KDM1A: variants seen among roughly 807,000 people sequenced by gnomAD.
The protein encoded by KDM1A is lysine-specific histone demethylase 1A.
KDM1A carries 49 observed loss-of-function variants against 109.4 expected under a neutral mutation model. That is an observed-to-expected ratio of 0.45 (90% CI 0.36 to 0.57). KDM1A has a LOEUF of 0.57. Ranked by LOEUF, KDM1A falls within the 20% of genes least tolerant of loss-of-function variation. The probability of loss-of-function intolerance (pLI) is 0.00; values close to 1 mark genes in which losing one functional copy is unlikely to be tolerated. For synonymous variants in KDM1A, 380 were observed against 415.4 expected (o/e 0.91, Z 1.04); for missense variants, 668 against 1,116.6 (o/e 0.60, Z 5.73).
intron 3 of KDM1A, among the ~76,000 whole-genome samples, chr1:23,048,648 A>G (rs1029528270): frequency 6.6e-6 from 1 of 152,098 alleles, no homozygotes; most frequent in African/African-American, 2.4e-5. Flanking sequence ...TTGCTTGACC[A>G]CTTGTTAAAC....
At chr1:23,033,836 T>C (rs1484777867) in intron 2 of KDM1A, among the ~76,000 whole-genome samples, 1 of 152,028 alleles carries the variant, frequency 6.6e-6, no homozygotes, top group Non-Finnish European at 1.5e-5. Flanking sequence ...AGCCCTGAGG[T>C]TTTTTGAGCA....
In KDM1A at chr1:23,044,087, TA is replaced by T. The variant is rs1453851129; in HGVS notation, c.518-339del. 2.0e-5 allele frequency among the ~76,000 whole-genome samples: 3 copies of T among 152,326 alleles called. No homozygotes were observed. In the East Asian group the frequency reaches 5.8e-4, roughly 29 times the overall value. On this transcript the variant is annotated intron_variant, in intron 2 of 20. Coordinates refer to ENST00000400181, the MANE Select transcript of KDM1A (RefSeq NM_001009999.3). ...GTCTATGTCAGCTCCATTTTCAGTC[TA>T]GCAGCCGTTAGTAAAAGACACTCGG...
chr1:23,019,837 G>C lies in KDM1A; in HGVS notation c.241G>C (p.Ala81Pro). 1 of 1,453,592 alleles carries C rather than the reference G, an allele frequency of 6.9e-7. No homozygotes were observed. 90.0% of individuals were successfully genotyped at this position (1,453,592 alleles called of 1,614,324 possible). A position where few individuals can be genotyped will look rare whatever the true frequency, so the allele number is the denominator to read the frequency against. Reference sequence around the variant, plus strand: ...GGGCCTGGCGGAACCGCCGGGGTCCGCAGGGCCTCAGGCCGGCCCTACTGT... The same window carrying C: ...GGGCCTGGCGGAACCGCCGGGGTCCCCAGGGCCTCAGGCCGGCCCTACTGT... The part of the protein sequence containing the change: ...PGGLAEPPGS[A>P]GPQAGPTVVP... The change falls in exon 1 of 21, where the codon GCA becomes CCA. Residue 81 changes from alanine (A) to proline (P), a missense_variant. By Grantham distance (27) the Ala-to-Pro change is conservative. Around this residue, in one of 8 missense-constraint regions of KDM1A, gnomAD observed 156 missense variants for 163.4 expected, o/e 0.95. Coordinates refer to ENST00000400181, the MANE Select transcript of KDM1A (RefSeq NM_001009999.3).
At chr1:23,056,098 T>G (rs1263840539) in intron 7 of KDM1A, 60 bp downstream of exon 7, 2 of 1,124,370 alleles carry the variant, frequency 1.8e-6, no homozygotes, top group African/African-American at 3.1e-5. Context: ...AAGCAAATTA[T>G]CTGTTGCAAA....
At chr1:23,060,298 C>T (rs2124482498) in intron 9 of KDM1A, among the ~76,000 whole-genome samples, 1 of 152,240 alleles carries the variant, frequency 6.6e-6, no homozygotes, top group East Asian at 1.9e-4. Flanking sequence ...TTTTTCCCAA[C>T]TTTTTATTAT....
intron 9 of KDM1A, among the ~76,000 whole-genome samples, chr1:23,065,589 C>G (rs967076050): frequency 1.4e-4 from 21 of 152,308 alleles, no homozygotes; most frequent in African/African-American, 4.8e-4. Flanking sequence ...GGCCTGGTGG[C>G]TGACAATCTC....
intron 9 of KDM1A, 78 bp from the exon 10 acceptor site, chr1:23,065,982 T>C: frequency 1.3e-6 from 2 of 1,580,574 alleles, no homozygotes; most frequent in Non-Finnish European, 1.7e-6. Context: ...TTTATTGCTG[T>C]CATACAAAAC....
At position 23,083,066 on chromosome 1, in the gene KDM1A, T is replaced by TG. The variant is rs376351781; in HGVS notation, c.2446-106dup. On this transcript the variant is annotated intron_variant, in intron 20 of 20. Transcript: ENST00000400181. Reference sequence around the variant, plus strand: ...CTTCGATAGAATGATGAATAGTAATTGGGGGGGTCAGCCTTTAAAAAGGTC... The same window carrying TG: ...CTTCGATAGAATGATGAATAGTAATTGGGGGGGGTCAGCCTTTAAAAAGGTC... 2,898 of 888,674 alleles carry TG rather than the reference T, an allele frequency of 3.3e-3. 12 individuals are homozygous for TG. Among genetic ancestry groups the TG allele is most frequent in the Non-Finnish European group, 4.4e-3 (2,511 of 570,404 alleles). The allele number at this position is 888,674 out of a possible 1,614,324, so 55.0% of individuals were successfully genotyped here. A position where few individuals can be genotyped will look rare whatever the true frequency, so the allele number is the denominator to read the frequency against.
At position 23,083,607 on chromosome 1, in the gene KDM1A, G is replaced by GAAAT; in HGVS notation, c.*246_*249dup. 5.5e-6 allele frequency: 2 copies of GAAAT among 363,140 alleles called. No individual in the cohort carries two copies. The highest frequency in any genetic ancestry group is 1.9e-4 in the South Asian group (2 of 10,728). 22.5% of individuals were successfully genotyped at this position (363,140 alleles called of 1,614,324 possible). ...AAAGACTGAGGCAAGCAAGTGCTGT[G>GAAAT]AAATAACATCATCTTAGTCCCTTGG... is the stretch of plus-strand genomic sequence containing the variant. On this transcript the variant is annotated 3_prime_UTR_variant, in exon 21 of 21. Transcript: ENST00000400181.
intron 1 of KDM1A, among the ~76,000 whole-genome samples, chr1:23,027,699 G>C (rs1450048572): frequency 6.6e-6 from 1 of 150,536 alleles, no homozygotes; most frequent in Admixed American, 6.6e-5. Flanking sequence ...TGAGATTACA[G>C]GCTTGAGCCA....
intron 9 of KDM1A, among the ~76,000 whole-genome samples, chr1:23,061,415 T>A (rs1222257852): frequency 6.6e-6 from 1 of 152,208 alleles, no homozygotes; most frequent in East Asian, 1.9e-4. Flanking sequence ...CCAACGAAAT[T>A]GGTAGTTGTC....
chr1:23,033,824 G>A (rs1219807177), intron 2 of KDM1A, among the ~76,000 whole-genome samples: 3 of 152,200 alleles, frequency 2.0e-5, no homozygotes, highest in African/African-American at 7.2e-5. Context: ...AGTGTCAGCG[G>A]TAGCCCTGAG....
At chr1:23,028,946 A>G (rs1225631600) in intron 1 of KDM1A, among the ~76,000 whole-genome samples, 6 of 152,172 alleles carry the variant, frequency 3.9e-5, no homozygotes, top group African/African-American at 1.4e-4. Flanking sequence ...AGTGTTCAGT[A>G]TTTGAGTAGG....
intron 2 of KDM1A, among the ~76,000 whole-genome samples, chr1:23,041,030 T>C (rs1252440848): frequency 6.6e-6 from 1 of 152,210 alleles, no homozygotes; most frequent in African/African-American, 2.4e-5. Context: ...AACAGAGTCC[T>C]AGGCTGGAAA....
intron 9 of KDM1A, among the ~76,000 whole-genome samples, chr1:23,062,325 G>A (rs1417962259): frequency 6.6e-6 from 1 of 152,144 alleles, no homozygotes; most frequent in East Asian, 1.9e-4. Flanking sequence ...AGTTACTCTA[G>A]GAGCCAGCAA....
intron 15 of KDM1A, 77 bp downstream of exon 15, chr1:23,073,480 TG>T: frequency 1.2e-6 from 1 of 831,122 alleles, no homozygotes; most frequent in Non-Finnish European, 2.0e-6. Flanking sequence ...ATTTTGTATG[TG>T]TGTTTTTAAA....
At chr1:23,026,643 A>G (rs1320972358) in intron 1 of KDM1A, among the ~76,000 whole-genome samples, 2 of 151,958 alleles carry the variant, frequency 1.3e-5, no homozygotes, top group Admixed American at 6.6e-5. Context: ...CAACCTCCCA[A>G]AGTGCTAGGA....
chr1:23,052,522 C>G (rs1170938369), intron 4 of KDM1A, among the ~76,000 whole-genome samples: 2 of 152,124 alleles, frequency 1.3e-5, no homozygotes, highest in African/African-American at 4.8e-5. Flanking sequence ...ATAGAGCAGT[C>G]TTTATTAATT....
intron 2 of KDM1A, 53 bp downstream of exon 2, chr1:23,030,687 A>C: frequency 6.9e-7 from 1 of 1,453,374 alleles, no homozygotes; most frequent in Middle Eastern, 1.8e-4. Flanking sequence ...ATAAGAATGA[A>C]TGGATTTATT....
Sources: gnomAD v4.1 joint callset for allele counts (sites outside exome capture counted in the v4.1 genomes callset) on GRCh38, gnomAD v4.1.1 for gene constraint, gnomAD v4.1.1 regional missense constraint, MANE v1.5 for transcripts, NCBI Gene and HGNC (gene_info 2026-07-23, HGNC 2026-07-21) for gene names.